The following GABBR2 variants were observed in gnomAD, a reference collection of about 807,000 sequenced individuals.
GABBR2 encodes gamma-aminobutyric acid type B receptor subunit 2.
GABBR2 carries 23 observed loss-of-function variants against 105.6 expected under a neutral mutation model. The ratio of observed to expected loss-of-function variants is 0.22; its 90% confidence interval spans 0.16 to 0.31. GABBR2 has a LOEUF of 0.31. GABBR2 is among the 10% of genes least tolerant of loss of function. The pLI is 1.00. For missense variants in GABBR2, 734 were observed against 1,245.5 expected, an observed-to-expected ratio of 0.59 and a Z score of 6.18; for synonymous variants, 478 against 499.7, an observed-to-expected ratio of 0.96 and a Z score of 0.58.
chr9:98,560,636 A>C (rs772108100), intron 2 of GABBR2, among the ~76,000 whole-genome samples: 36 of 151,682 alleles, frequency 2.4e-4, no homozygotes, highest in Non-Finnish European at 4.4e-4. Flanking sequence ...TATTTAAATA[A>C]AAATATTTAA....
chr9:98,325,848 G>A (rs1226297356), intron 13 of GABBR2, among the ~76,000 whole-genome samples: 1 of 152,168 alleles, frequency 6.6e-6, no homozygotes, highest in African/African-American at 2.4e-5. Context: ...TGCACATGAT[G>A]TTCTCACACA....
At chr9:98,629,626 T>C (rs926814564) in intron 1 of GABBR2, among the ~76,000 whole-genome samples, 1 of 152,214 alleles carries the variant, frequency 6.6e-6, no homozygotes, top group African/African-American at 2.4e-5. Flanking sequence ...GGTCACCCCT[T>C]CCCCATGTAC....
At chr9:98,422,477 A>G (rs1203604342) in intron 7 of GABBR2, among the ~76,000 whole-genome samples, 1 of 151,210 alleles carries the variant, frequency 6.6e-6, no homozygotes, top group East Asian at 2.0e-4. Context: ...GTGGACATTT[A>G]GAAGGCTGCT....
At chr9:98,698,646 C>T (rs536726476) in intron 1 of GABBR2, among the ~76,000 whole-genome samples, 301 of 152,094 alleles carry the variant, frequency 2.0e-3, no homozygotes, top group Non-Finnish European at 3.6e-3. Flanking sequence ...ATTACAGGTG[C>T]GTGCCACCAC....
intron 1 of GABBR2, among the ~76,000 whole-genome samples, chr9:98,702,637 C>T: frequency 6.6e-6 from 1 of 152,326 alleles, no homozygotes; most frequent in East Asian, 1.9e-4. Context: ...AAACACACTG[C>T]ACACTTTTTT....
At chr9:98,421,375 A>T (rs915256662) in intron 7 of GABBR2, among the ~76,000 whole-genome samples, 2 of 152,230 alleles carry the variant, frequency 1.3e-5, no homozygotes, top group African/African-American at 4.8e-5. Context: ...GTACAATCTT[A>T]TTCCAAGGTT....
intron 13 of GABBR2, among the ~76,000 whole-genome samples, chr9:98,360,460 A>C (rs781336410): frequency 3.3e-5 from 5 of 152,148 alleles, no homozygotes; most frequent in African/African-American, 4.8e-5. Context: ...CCCTGCAGGG[A>C]GACACAGGAA....
At chr9:98,398,382 G>A in intron 8 of GABBR2, among the ~76,000 whole-genome samples, 1 of 151,542 alleles carries the variant, frequency 6.6e-6, no homozygotes, top group Non-Finnish European at 1.5e-5. Context: ...GAGCCCCCAA[G>A]CTGGTGCTGG....
chr9:98,424,482 G>A (rs929875799), intron 7 of GABBR2, among the ~76,000 whole-genome samples: 6 of 152,104 alleles, frequency 3.9e-5, no homozygotes, highest in Admixed American at 2.0e-4. Context: ...TGCTGGCCAG[G>A]GCAATTAGGC....
At chr9:98,537,471 G>A (rs975360020) in intron 3 of GABBR2, among the ~76,000 whole-genome samples, 1 of 151,114 alleles carries the variant, frequency 6.6e-6, no homozygotes, top group African/African-American at 2.4e-5. Context: ...TTTTTTTTGA[G>A]ACAGGGTCTC....
At position 98,320,722 on chromosome 9, in the gene GABBR2, G is replaced by T. The variant is rs200183835; in HGVS notation, c.1894-9517C>A. Among the ~76,000 whole-genome samples, 191 of 150,254 alleles carry T rather than the reference G, an allele frequency of 1.3e-3. 5 individuals are homozygous for T. In the East Asian group the frequency reaches 0.024, roughly 19 times the overall value. ...AAGTCATCATTCTCAGTAAACTATCGCAAGAACAAAAAACCAAACACCGCA... is the reference window on the plus strand; with the variant it reads ...AAGTCATCATTCTCAGTAAACTATCTCAAGAACAAAAAACCAAACACCGCA... On this transcript the variant is annotated intron_variant, in intron 13 of 18. Coordinates refer to ENST00000259455, the MANE Select transcript of GABBR2 (RefSeq NM_005458.8).
chr9:98,543,342 G>A (rs897921859), intron 2 of GABBR2, among the ~76,000 whole-genome samples: 2 of 150,916 alleles, frequency 1.3e-5, no homozygotes, highest in African/African-American at 4.9e-5. Context: ...TTTCTATTTT[G>A]TTATATTAAT....
intron 13 of GABBR2, among the ~76,000 whole-genome samples, chr9:98,328,953 G>T (rs1468633741): frequency 6.6e-6 from 1 of 152,154 alleles, no homozygotes; most frequent in African/African-American, 2.4e-5. Context: ...AGGTGACCTT[G>T]TGGCCACCAT....
intron 13 of GABBR2, among the ~76,000 whole-genome samples, chr9:98,344,482 C>G (rs79566496): frequency 2.6e-5 from 4 of 152,234 alleles, no homozygotes; most frequent in Non-Finnish European, 5.9e-5. Flanking sequence ...TGCAGGAGCA[C>G]TGAGCACAGG....
chr9:98,592,426 T>C (rs1588242540), intron 1 of GABBR2, among the ~76,000 whole-genome samples: 1 of 152,214 alleles, frequency 6.6e-6, no homozygotes, highest in South Asian at 2.1e-4. Context: ...CCACTTACTA[T>C]TTATATTTAA....
intron 2 of GABBR2, among the ~76,000 whole-genome samples, chr9:98,558,087 T>C (rs558431875): frequency 6.6e-6 from 1 of 152,050 alleles, no homozygotes; most frequent in African/African-American, 2.4e-5. Flanking sequence ...ATCAGAAGTG[T>C]CAAGAAGAGA....
chr9:98,378,702 C>T (rs1257180592), intron 11 of GABBR2, among the ~76,000 whole-genome samples: 2 of 152,044 alleles, frequency 1.3e-5, no homozygotes, highest in African/African-American at 2.4e-5. Flanking sequence ...TCTGTGCATG[C>T]AGGAGCTGGG....
At chr9:98,534,149 A>AG (rs1161724597) in intron 3 of GABBR2, among the ~76,000 whole-genome samples, 1 of 152,202 alleles carries the variant, frequency 6.6e-6, no homozygotes, top group Non-Finnish European at 1.5e-5. Context: ...AGGGCCCTGG[A>AG]GGGCCTGAAA....
chr9:98,471,329 G>A (rs758888180), intron 6 of GABBR2, among the ~76,000 whole-genome samples: 40 of 152,172 alleles, frequency 2.6e-4, no homozygotes, highest in Non-Finnish European at 5.4e-4. Flanking sequence ...AAAACTGTGA[G>A]GTGAACAGTC....
Sources: allele counts gnomAD v4.1 joint callset (sites outside exome capture counted in the v4.1 genomes callset), GRCh38; gene constraint gnomAD v4.1.1; transcripts MANE v1.5; gene names NCBI Gene and HGNC (gene_info 2026-07-23, HGNC 2026-07-21).